DNAH3: variants seen among roughly 807,000 people sequenced by gnomAD.
The protein encoded by DNAH3 is axonemal beta dynein heavy chain 3.
DNAH3 carries 332 observed loss-of-function variants against 432.5 expected under a neutral mutation model. The observed-to-expected ratio is 0.77, with a 90% CI of 0.70 to 0.84. The LOEUF is 0.84. Among genes scored for constraint, DNAH3 ranks in the 40% least tolerant of loss-of-function variants. DNAH3 has a pLI of 0.00. For missense variants in DNAH3, 4,861 were observed against 5,114.0 expected (o/e 0.95, Z 1.51); for synonymous variants, 1,956 against 1,900.2 (o/e 1.03, Z -0.76).
chr16:20,987,435 C>T (rs1327295399), exon 47 of DNAH3: 1 of 1,613,942 alleles, frequency 6.2e-7, no homozygotes, highest in Admixed American at 1.7e-5. Context: ...AAGCCGGATA[C>T]ATTTTTCTAC....
At chr16:20,969,312 GC>G (rs1423396870) in intron 52 of DNAH3, among the ~76,000 whole-genome samples, 2 of 152,018 alleles carry the variant, frequency 1.3e-5, no homozygotes, top group East Asian at 3.8e-4. Context: ...GTGTGTGCAT[GC>G]ATGCATGCGT....
At chr16:21,131,926 G>A (rs1490729723) in intron 7 of DNAH3, among the ~76,000 whole-genome samples, 1 of 151,326 alleles carries the variant, frequency 6.6e-6, no homozygotes, top group Non-Finnish European at 1.5e-5. Flanking sequence ...CAGTCACAGA[G>A]GGATTAATTT....
intron 50 of DNAH3, among the ~76,000 whole-genome samples, chr16:20,977,448 C>T (rs2085647264): frequency 6.6e-6 from 1 of 152,130 alleles, no homozygotes; most frequent in Non-Finnish European, 1.5e-5. Context: ...AATTACCCCC[C>T]TGAAGTTTGC....
At chr16:21,155,224 C>G (rs537385454) in intron 1 of DNAH3, among the ~76,000 whole-genome samples, 2 of 152,076 alleles carry the variant, frequency 1.3e-5, no homozygotes, top group African/African-American at 4.8e-5. Context: ...TGCTGGGATT[C>G]AGGCATGAGC....
At chr16:20,973,345 C>A (rs534254447) in intron 51 of DNAH3, among the ~76,000 whole-genome samples, 1 of 151,952 alleles carries the variant, frequency 6.6e-6, no homozygotes, top group Non-Finnish European at 1.5e-5. Flanking sequence ...CTCTACCTCT[C>A]GGGTTCAAGA....
chr16:21,127,765 T>G, exon 8 of DNAH3: 1 of 1,614,128 alleles, frequency 6.2e-7, no homozygotes, highest in Non-Finnish European at 8.5e-7. Context: ...CAGAGGCAAT[T>G]TTCCCGCTAG....
At chr16:21,135,820 CTT>C (rs1445826020) in intron 6 of DNAH3, among the ~76,000 whole-genome samples, 3 of 149,982 alleles carry the variant, frequency 2.0e-5, no homozygotes, top group African/African-American at 4.9e-5. Context: ...AGGAGGATCT[CTT>C]GAGTCCAGGA....
rs116796927 is a variant in DNAH3, at chr16:20,976,109, G to T, written c.8077-694C>A. On this transcript the variant is annotated intron_variant, in intron 50 of 61. Transcript: ENST00000261383. ...TAATCCCAGCAATTTGGGAGGTAGA[G>T]GTGGGAGAATTGCTTGAGCCCAGAA... Among the ~76,000 whole-genome samples, 902 of 152,066 alleles carry T rather than the reference G, an allele frequency of 5.9e-3. 10 individuals are homozygous for T. The highest frequency in any genetic ancestry group is 0.021 in the African/African-American group (851 of 41,468).
At chr16:21,029,292 C>T (rs763269098) in intron 37 of DNAH3, among the ~76,000 whole-genome samples, 1 of 152,192 alleles carries the variant, frequency 6.6e-6, no homozygotes, top group Non-Finnish European at 1.5e-5. Flanking sequence ...CGTTGTTGAG[C>T]ATGACTCACT....
At chr16:21,061,340 A>G (rs2090353949) in intron 25 of DNAH3, among the ~76,000 whole-genome samples, 1 of 143,280 alleles carries the variant, frequency 7.0e-6, no homozygotes, top group African/African-American at 2.6e-5. Context: ...GGTTCAAGCG[A>G]TTCTCCTGCC....
Sources: allele counts gnomAD v4.1 joint callset (sites outside exome capture counted in the v4.1 genomes callset), GRCh38; gene constraint gnomAD v4.1.1; transcripts MANE v1.5; gene names NCBI Gene and HGNC (gene_info 2026-07-23, HGNC 2026-07-21).